DMD: variants seen among roughly 807,000 people sequenced by gnomAD.
The protein encoded by DMD is dystrophin.
In DMD, 63 loss-of-function variants were observed where a neutral mutation model predicts 330.1. The ratio of observed to expected loss-of-function variants is 0.19; its 90% confidence interval spans 0.16 to 0.24. The LOEUF (loss-of-function observed/expected upper bound fraction) is 0.24, where lower values mean the gene tolerates loss of function less well. Among genes scored for constraint, DMD ranks in the 10% least tolerant of loss-of-function variants. DMD has a pLI of 1.00. For synonymous variants in DMD, 1,223 were observed against 959.8 expected (o/e 1.27, Z -5.07); for missense variants, 3,344 against 2,684.1 (o/e 1.25, Z -5.43).
intron 44 of DMD, among the ~76,000 whole-genome samples, chrX:32,188,626 C>T (rs1351308770): frequency 9.2e-6 from 1 of 108,191 alleles, no homozygotes; most frequent in Middle Eastern, 4.2e-3. Context: ...AGCCTTATGC[C>T]AGCACACTGT....
chrX:33,224,749 C>A (rs1414753020), intron 1 of DMD, among the ~76,000 whole-genome samples: 1 of 111,068 alleles, frequency 9.0e-6, no homozygotes, highest in Non-Finnish European at 1.9e-5. Context: ...GACGTAGGTT[C>A]ATTTATTGTA....
At chrX:32,560,810 G>C (rs769653402) in intron 16 of DMD, among the ~76,000 whole-genome samples, 49 of 112,211 alleles carry the variant, frequency 4.4e-4, no homozygotes, top group Non-Finnish European at 1.9e-5. Context: ...TGGTGTATAT[G>C]TATCACATTT....
chrX:32,486,820 C>T (rs1360423228), intron 20 of DMD, among the ~76,000 whole-genome samples: 1 of 105,813 alleles, frequency 9.5e-6, no homozygotes, highest in Non-Finnish European at 2.0e-5. Flanking sequence ...GAAACTGGAT[C>T]CCTTCCTTAC....
intron 55 of DMD, among the ~76,000 whole-genome samples, chrX:31,581,781 T>C (rs1392979345): frequency 1.8e-5 from 2 of 111,990 alleles, no homozygotes; most frequent in Non-Finnish European, 3.8e-5. Flanking sequence ...GAAAGAGGGA[T>C]GGATAGATGA....
intron 19 of DMD, among the ~76,000 whole-genome samples, chrX:32,497,151 T>C (rs2043572725): frequency 1.8e-5 from 2 of 111,639 alleles, no homozygotes; most frequent in Admixed American, 9.6e-5. Flanking sequence ...ACATAATTCA[T>C]GTGAAATTAT....
intron 29 of DMD, among the ~76,000 whole-genome samples, chrX:32,417,936 T>C (rs1292283402): frequency 1.9e-5 from 2 of 105,602 alleles, no homozygotes; most frequent in African/African-American, 7.0e-5. Flanking sequence ...TGGAGAATAA[T>C]ATAACTGAAG....
intron 27 of DMD, among the ~76,000 whole-genome samples, chrX:32,444,117 G>A (rs983544093): frequency 9.0e-6 from 1 of 110,668 alleles, no homozygotes; most frequent in African/African-American, 3.3e-5. Flanking sequence ...GATGGGAAAT[G>A]AGGCAAGCCA....
intron 54 of DMD, among the ~76,000 whole-genome samples, chrX:31,646,974 C>A (rs1405485165): frequency 8.9e-6 from 1 of 112,089 alleles, no homozygotes; most frequent in Non-Finnish European, 1.9e-5. Flanking sequence ...GGAGCCCAGT[C>A]TAAGTTAGAT....
chrX:32,745,556 T>C (rs1007761222), intron 7 of DMD, among the ~76,000 whole-genome samples: 4 of 112,577 alleles, frequency 3.6e-5, no homozygotes, highest in African/African-American at 9.7e-5. Flanking sequence ...TCAAAGTGTT[T>C]ACAGCTTCAA....
intron 18 of DMD, among the ~76,000 whole-genome samples, chrX:32,503,510 G>A (rs1450594586): frequency 8.9e-6 from 1 of 111,977 alleles, no homozygotes; most frequent in Non-Finnish European, 1.9e-5. Flanking sequence ...TTATGTATCT[G>A]AAAAGACTAT....
chrX:32,405,992 G>A (rs1196685833), intron 30 of DMD, among the ~76,000 whole-genome samples: 7 of 110,962 alleles, frequency 6.3e-5, no homozygotes, highest in Non-Finnish European at 1.1e-4. Context: ...GGATTCCTAG[G>A]TATTTTATTC....
intron 55 of DMD, among the ~76,000 whole-genome samples, chrX:31,613,257 CA>C (rs769420028): frequency 8.9e-6 from 1 of 112,111 alleles, no homozygotes; most frequent in South Asian, 3.7e-4. Context: ...ATGGGAGAAG[CA>C]AAACCATTCT....
chrX:32,547,314 A>G (rs1009287116), intron 16 of DMD, among the ~76,000 whole-genome samples: 1 of 111,159 alleles, frequency 9.0e-6, no homozygotes, highest in Non-Finnish European at 1.9e-5. Flanking sequence ...AAAATTGGAT[A>G]CATGTGCCCA....
At chrX:33,113,968 T>C (rs1260466415) in intron 1 of DMD, among the ~76,000 whole-genome samples, 2 of 110,779 alleles carry the variant, frequency 1.8e-5, no homozygotes, top group East Asian at 5.7e-4. Flanking sequence ...AAGAGTTAGG[T>C]TATACTATAA....
chrX:32,123,242 T>TATATAA (rs1311432895), intron 44 of DMD, among the ~76,000 whole-genome samples: 2 of 80,964 alleles, frequency 2.5e-5, no homozygotes, highest in African/African-American at 4.5e-5. Context: ...TATATATATA[T>TATATAA]AAATGATCAA....
chrX:32,589,071 G>C (rs1313099324), intron 13 of DMD, among the ~76,000 whole-genome samples: 1 of 111,701 alleles, frequency 9.0e-6, no homozygotes, highest in Non-Finnish European at 1.9e-5. Context: ...ACTTCTGTCT[G>C]CTTCTGATAT....
At chrX:33,007,780 A>G (rs752324296) in intron 2 of DMD, among the ~76,000 whole-genome samples, 1 of 111,679 alleles carries the variant, frequency 9.0e-6, no homozygotes, top group Non-Finnish European at 1.9e-5. Flanking sequence ...CCTTAAATAT[A>G]AATTATTTGT....
At chrX:32,303,928 A>T (rs1347434148) in intron 42 of DMD, among the ~76,000 whole-genome samples, 1 of 110,911 alleles carries the variant, frequency 9.0e-6, no homozygotes, top group Non-Finnish European at 1.9e-5. Context: ...AGTACTTATT[A>T]ACTAGGTTTT....
chrX:31,734,115 G>A (rs2086697783), intron 51 of DMD, among the ~76,000 whole-genome samples: 1 of 110,407 alleles, frequency 9.1e-6, no homozygotes, highest in Admixed American at 9.7e-5. Context: ...CCCTTGCCCG[G>A]ATTCACCATT....
Sources: gnomAD v4.1 joint callset for allele counts (sites outside exome capture counted in the v4.1 genomes callset) on GRCh38, gnomAD v4.1.1 for gene constraint, MANE v1.5 for transcripts, NCBI Gene and HGNC (gene_info 2026-07-23, HGNC 2026-07-21) for gene names.